ASXL2: variants seen among roughly 807,000 people sequenced by gnomAD.
ASXL2 encodes the protein putative Polycomb group protein ASXL2.
Under a neutral mutation model 122.0 loss-of-function variants are expected in ASXL2, and 23 were observed. The observed-to-expected ratio is 0.19, with a 90% CI of 0.14 to 0.27. ASXL2 has a LOEUF of 0.27. Ranked by LOEUF, ASXL2 falls within the 10% of genes least tolerant of loss-of-function variation. ASXL2 has a pLI of 1.00. For missense variants in ASXL2, 1,518 were observed against 1,713.8 expected (o/e 0.89, Z 2.02); for synonymous variants, 650 against 637.0 (o/e 1.02, Z -0.31).
chr2:25,744,982 T>C lies in ASXL2; in HGVS notation c.1861-506A>G, dbSNP rs901806329. Among the ~76,000 whole-genome samples the C allele has an allele frequency of 2.4e-5, 3 of 124,858 alleles. No individual in the cohort carries two copies. Among genetic ancestry groups the C allele is most frequent in the African/African-American group, 8.9e-5 (3 of 33,802 alleles). The allele number at this position is 124,858 out of a possible 152,430, so 81.9% of individuals were successfully genotyped here. On this transcript the variant is annotated intron_variant, in intron 12 of 12. Coordinates refer to ENST00000435504, the MANE Select transcript of ASXL2 (RefSeq NM_018263.6). This position sits in a 1 kb window ranked among gnomAD's most constrained non-coding sequence, Gnocchi z 4.7. ...ACACACACACACACACACACACACTTGGGCTGGATTATCTCAAATTACACA... is the reference window on the plus strand; with the variant it reads ...ACACACACACACACACACACACACTCGGGCTGGATTATCTCAAATTACACA...
intron 8 of ASXL2, among the ~76,000 whole-genome samples, chr2:25,764,063 T>C (rs561927028): frequency 6.6e-6 from 1 of 152,274 alleles, no homozygotes; most frequent in East Asian, 1.9e-4. Context: ...AAGTGAATAA[T>C]AAAAACAGTG....
intron 9 of ASXL2, among the ~76,000 whole-genome samples, chr2:25,756,385 T>C (rs1415789798): frequency 7.2e-6 from 1 of 138,984 alleles, no homozygotes; most frequent in Non-Finnish European, 1.5e-5. Flanking sequence ...GAACCACACA[T>C]ATAGTGCTGG....
At chr2:25,830,494 C>T (rs192321626) in intron 3 of ASXL2, among the ~76,000 whole-genome samples, 10 of 152,084 alleles carry the variant, frequency 6.6e-5, no homozygotes, top group Admixed American at 1.3e-4. Flanking sequence ...GGCATGGTGG[C>T]GCATGCCTGT....
chr2:25,808,711 CAA>C (rs1210261907), intron 3 of ASXL2, among the ~76,000 whole-genome samples: 1 of 152,102 alleles, frequency 6.6e-6, no homozygotes, highest in Non-Finnish European at 1.5e-5. Flanking sequence ...TTCTTTATTT[CAA>C]AAAGACACTT....
At chr2:25,834,595 G>C (rs2089487910) in intron 3 of ASXL2, among the ~76,000 whole-genome samples, 1 of 152,116 alleles carries the variant, frequency 6.6e-6, no homozygotes, top group African/African-American at 2.4e-5. Context: ...ACCCAAGCAT[G>C]CCATGTCCAA....
chr2:25,808,932 G>C (rs1239658278), intron 3 of ASXL2, among the ~76,000 whole-genome samples: 1 of 152,154 alleles, frequency 6.6e-6, no homozygotes, highest in Non-Finnish European at 1.5e-5. Context: ...CCCACACACT[G>C]TATAGGCTGT....
At chr2:25,873,597 T>G (rs2149204967) in intron 1 of ASXL2, among the ~76,000 whole-genome samples, 1 of 152,052 alleles carries the variant, frequency 6.6e-6, no homozygotes, top group South Asian at 2.1e-4. Flanking sequence ...AACTAAAATC[T>G]TGTGTACATT....
chr2:25,833,219 T>G (rs1456517280), intron 3 of ASXL2, among the ~76,000 whole-genome samples: 1 of 152,212 alleles, frequency 6.6e-6, no homozygotes, highest in Admixed American at 6.5e-5. Flanking sequence ...AACAATATTC[T>G]CGCTGTGACA....
chr2:25,844,812 T>C (rs1237818076), intron 2 of ASXL2, among the ~76,000 whole-genome samples: 1 of 151,978 alleles, frequency 6.6e-6, no homozygotes, highest in East Asian at 1.9e-4. Context: ...GTTAATACAA[T>C]TTTTCGTAGA....
At chr2:25,858,834 T>G (rs2089812685) in intron 1 of ASXL2, among the ~76,000 whole-genome samples, 1 of 148,998 alleles carries the variant, frequency 6.7e-6, no homozygotes, top group African/African-American at 2.5e-5. Context: ...TTTTTGGAGA[T>G]GGAGTCTCGC....
Position 25,741,204 on chromosome 2 carries a change from A to G in ASXL2, c.*825T>C, listed in dbSNP as rs1208173449. The G allele has an allele frequency of 8.9e-6, 2 of 223,978 alleles. No homozygotes were observed. Among genetic ancestry groups the G allele is most frequent in the African/African-American group, 4.5e-5 (2 of 44,804 alleles). The allele number at this position is 223,978 out of a possible 1,614,324, so 13.9% of individuals were successfully genotyped here. A position where few individuals can be genotyped will look rare whatever the true frequency, so the allele number is the denominator to read the frequency against. ...GAATGACTAAGTGCGGGGATAGGGTATTTTTGCTGGAATTGTTGCACTGCA... is the reference window on the plus strand; with the variant it reads ...GAATGACTAAGTGCGGGGATAGGGTGTTTTTGCTGGAATTGTTGCACTGCA... On this transcript the variant is annotated 3_prime_UTR_variant, in exon 13 of 13. Coordinates refer to ENST00000435504, the MANE Select transcript of ASXL2 (RefSeq NM_018263.6).
chr2:25,872,144 C>G (rs1180315850), intron 1 of ASXL2, among the ~76,000 whole-genome samples: 1 of 152,148 alleles, frequency 6.6e-6, no homozygotes, highest in Non-Finnish European at 1.5e-5. Context: ...CCTGTAATCC[C>G]AACACTTTGG....
At chr2:25,848,578 G>A (rs986821767) in intron 1 of ASXL2, among the ~76,000 whole-genome samples, 5 of 151,750 alleles carry the variant, frequency 3.3e-5, no homozygotes, top group African/African-American at 1.2e-4. Flanking sequence ...AGCCGAGATT[G>A]GGCCACTGCA....
chr2:25,840,293 T>C (rs141953316), intron 2 of ASXL2, among the ~76,000 whole-genome samples: 128 of 152,334 alleles, frequency 8.4e-4, no homozygotes, highest in African/African-American at 3.0e-3. Flanking sequence ...ACCTAACTTC[T>C]TAAAGGGGCT....
At position 25,739,509 on chromosome 2, in the gene ASXL2, T is replaced by G. The variant is rs761559689; in HGVS notation, c.*2520A>C. ...GAGAGAACTTAACTGTTCTCTTGTC[T>G]GGTCAAGATTGAGGCAGTGTATCTA... On this transcript the variant is annotated 3_prime_UTR_variant, in exon 13 of 13. Transcript: ENST00000435504. 1.6e-5 allele frequency: 3 copies of G among 188,840 alleles called. No individual in the cohort carries two copies. Among genetic ancestry groups the G allele is most frequent in the Admixed American group, 6.2e-5 (1 of 16,218 alleles). The allele number at this position is 188,840 out of a possible 1,614,324, so 11.7% of individuals were successfully genotyped here. A position where few individuals can be genotyped will look rare whatever the true frequency, so the allele number is the denominator to read the frequency against.
chr2:25,846,425 G>A (rs2089650011), intron 1 of ASXL2, among the ~76,000 whole-genome samples: 1 of 152,100 alleles, frequency 6.6e-6, no homozygotes, highest in Admixed American at 6.6e-5. Context: ...GCGGACAGAT[G>A]ACTCTTGAGG....
intron 8 of ASXL2, among the ~76,000 whole-genome samples, chr2:25,762,167 TA>T (rs1372823912): frequency 2.0e-5 from 3 of 151,902 alleles, no homozygotes; most frequent in African/African-American, 7.2e-5. Flanking sequence ...CACATGTAAC[TA>T]AAAAATATAT....
intron 3 of ASXL2, among the ~76,000 whole-genome samples, chr2:25,826,401 T>C (rs1200771272): frequency 1.3e-5 from 2 of 152,216 alleles, no homozygotes; most frequent in Non-Finnish European, 2.9e-5. Context: ...CCAAAGAATC[T>C]TTAATACATT....
intron 2 of ASXL2, among the ~76,000 whole-genome samples, chr2:25,836,993 A>T (rs1220127129): frequency 6.6e-6 from 1 of 150,968 alleles, no homozygotes; most frequent in Non-Finnish European, 1.5e-5. Flanking sequence ...TTCTTTCCTA[A>T]AAACTCTATT....
Sources: allele counts gnomAD v4.1 joint callset (sites outside exome capture counted in the v4.1 genomes callset), GRCh38; gene constraint gnomAD v4.1.1; non-coding constraint Gnocchi (gnomAD v3.1); transcripts MANE v1.5; gene names NCBI Gene and HGNC (gene_info 2026-07-23, HGNC 2026-07-21).